Variants in IQSEC3 observed in about 807,000 individuals in gnomAD.
IQSEC3 encodes IQ motif and SEC7 domain-containing protein 3.
In IQSEC3, 50 loss-of-function variants were observed where a neutral mutation model predicts 105.4. The ratio of observed to expected loss-of-function variants is 0.47; its 90% CI spans 0.38 to 0.60. IQSEC3 has a LOEUF of 0.60. Ranked by LOEUF, IQSEC3 falls within the 20% of genes least tolerant of loss-of-function variation. The pLI is 0.00. For synonymous variants in IQSEC3, 708 were observed against 746.0 expected (o/e 0.95, Z 0.83); for missense variants, 1,415 against 1,630.0 (o/e 0.87, Z 2.27).
At chr12:169,707 CT>C (rs1938869273) in intron 12 of IQSEC3, among the ~76,000 whole-genome samples, 2 of 152,188 alleles carry the variant, frequency 1.3e-5, no homozygotes, top group Non-Finnish European at 2.9e-5. Flanking sequence ...CTCCTTTGGC[CT>C]GCCCCAACCT....
chr12:75,149 T>G (rs538000317), intron 1 of IQSEC3, among the ~76,000 whole-genome samples: 1 of 152,296 alleles, frequency 6.6e-6, no homozygotes, highest in African/African-American at 2.4e-5. Flanking sequence ...ACATTTATTC[T>G]TATTAGTCTT....
Position 161,936 on chromosome 12 carries a change from T to C in IQSEC3, c.2454T>C (p.Asp818=). The change falls in exon 8 of 14, where the codon GAT becomes GAC. Residue 818 remains aspartate, a synonymous_variant. Coordinates refer to ENST00000538872, the MANE Select transcript of IQSEC3 (RefSeq NM_001170738.2). ...DFIRNLRGVD[D]GADIPRELVV... ...ACTCCACGTTGTTAGGTGTGGACGA[T>C]GGCGCTGACATCCCCAGGGAGCTGG... 6.2e-7 allele frequency: 1 copy of C among 1,607,170 alleles called. No homozygotes were observed. Among genetic ancestry groups the C allele is most frequent in the Non-Finnish European group, 8.5e-7 (1 of 1,176,802 alleles).
intron 2 of IQSEC3, among the ~76,000 whole-genome samples, chr12:100,198 C>T (rs1555075821): frequency 1.3e-5 from 2 of 152,138 alleles, no homozygotes; most frequent in East Asian, 1.9e-4. Context: ...CCTATCATCC[C>T]GTCGAGTCTC....
Position 114,841 on chromosome 12 carries a change from G to C in IQSEC3, c.624-10792G>C, listed in dbSNP as rs114083539. Among the ~76,000 whole-genome samples, 505 of 152,298 alleles carry C rather than the reference G, an allele frequency of 3.3e-3. 2 individuals carry two copies. Among genetic ancestry groups the C allele is most frequent in the African/African-American group, 0.012 (482 of 41,564 alleles). ...TATTCCCCATGCCAGGATCTCTAAG[G>C]CTTCTTCCAAAGTGTGTCCTGCAGA... On this transcript the variant is annotated intron_variant, in intron 2 of 13. Transcript: ENST00000538872.
chr12:83,711 A>AGGG (rs1863826627), intron 1 of IQSEC3, among the ~76,000 whole-genome samples: 4 of 134,990 alleles, frequency 3.0e-5, no homozygotes, highest in South Asian at 2.6e-4. Flanking sequence ...GCGGGGGAGG[A>AGGG]GGTGGGTTGA....
chr12:167,054 G>A (rs12368193), intron 11 of IQSEC3: 44,448 of 152,048 alleles, frequency 0.29, 6,814 homozygotes, highest in East Asian at 0.4. Flanking sequence ...GGGATCCATC[G>A]GACTGGACTC....
intron 1 of IQSEC3, among the ~76,000 whole-genome samples, chr12:96,258 G>A (rs1206313902): frequency 6.6e-6 from 1 of 152,178 alleles, no homozygotes. Flanking sequence ...ATCAAAAGAC[G>A]TGGAATCAGT....
intron 2 of IQSEC3, chr12:111,750 C>A (rs782076714): frequency 1.3e-5 from 2 of 152,182 alleles, no homozygotes; most frequent in African/African-American, 2.4e-5. Context: ...GAGTGGGCCA[C>A]ACAAATCGAG....
Position 66,820 on chromosome 12 carries a change from C to T in IQSEC3, c.-63C>T, listed in dbSNP as rs1863104157. The stretch of plus-strand genomic sequence containing the variant: ...GCCGACCGCTGGGCTGCTGGGCTCC[C>T]GCGCCCTCGCGCTCCCCGCCGCCAG... On this transcript the variant is annotated 5_prime_UTR_variant, in exon 1 of 14. Coordinates refer to ENST00000538872, the MANE Select transcript of IQSEC3 (RefSeq NM_001170738.2). 7.6e-7 allele frequency: 1 copy of T among 1,321,924 alleles called. No homozygotes were observed. The allele number at this position is 1,321,924 out of a possible 1,614,324, so 81.9% of individuals were successfully genotyped here. A position where few individuals can be genotyped will look rare whatever the true frequency, so the allele number is the denominator to read the frequency against.
chr12:85,217 C>T (rs529172856), intron 1 of IQSEC3, among the ~76,000 whole-genome samples: 70 of 152,210 alleles, frequency 4.6e-4, no homozygotes, highest in East Asian at 1.9e-3. Flanking sequence ...GGGTTAGGAA[C>T]GCTGTGGAGG....
chr12:99,960 A>C, intron 2 of IQSEC3, among the ~76,000 whole-genome samples: 2 of 126,524 alleles, frequency 1.6e-5, no homozygotes, highest in African/African-American at 3.1e-5. Context: ...GTGTTCTGTC[A>C]ATCTCTCTCT....
chr12:170,524 G>A (rs981549868), intron 12 of IQSEC3, among the ~76,000 whole-genome samples: 8 of 152,342 alleles, frequency 5.3e-5, no homozygotes, highest in African/African-American at 9.6e-5. Context: ...TGCGGGGGTC[G>A]GGGTGGAAGC....
chr12:73,757 C>A (rs1401669611), intron 1 of IQSEC3, among the ~76,000 whole-genome samples: 1 of 152,276 alleles, frequency 6.6e-6, no homozygotes, highest in Non-Finnish European at 1.5e-5. Flanking sequence ...CAGTGACAGA[C>A]TAGAATGCAG....
intron 2 of IQSEC3, among the ~76,000 whole-genome samples, chr12:104,599 G>A (rs1033749878): frequency 6.6e-6 from 1 of 151,964 alleles, no homozygotes; most frequent in African/African-American, 2.4e-5. Context: ...CCCACTTGGC[G>A]AGGCGTACTG....
intron 5 of IQSEC3, chr12:143,339 T>C (rs1423579926): frequency 2.0e-5 from 3 of 152,714 alleles, no homozygotes; most frequent in African/African-American, 7.2e-5. Flanking sequence ...GAGAAATAGC[T>C]GGACCCGGGC....
At chr12:92,016 A>G (rs1451188633) in intron 1 of IQSEC3, among the ~76,000 whole-genome samples, 1 of 152,096 alleles carries the variant, frequency 6.6e-6, no homozygotes, top group Admixed American at 6.5e-5. Flanking sequence ...CCAGCCTCAC[A>G]GCACGACTAG....
chr12:102,435 C>G (rs1363726690), intron 2 of IQSEC3, among the ~76,000 whole-genome samples: 1 of 152,242 alleles, frequency 6.6e-6, no homozygotes, highest in African/African-American at 2.4e-5. Context: ...GGCCGGCCCC[C>G]ACTCCAGCTC....
intron 1 of IQSEC3, among the ~76,000 whole-genome samples, chr12:91,759 C>A (rs760837400): frequency 1.3e-5 from 2 of 151,888 alleles, no homozygotes; most frequent in Admixed American, 6.6e-5. Flanking sequence ...CCAGGCTGGG[C>A]GATGGAGTGA....
chr12:135,575 C>G (rs1865736303), intron 3 of IQSEC3, among the ~76,000 whole-genome samples: 1 of 152,190 alleles, frequency 6.6e-6, no homozygotes, highest in South Asian at 2.1e-4. Context: ...GATGGGACAT[C>G]ACTCCAATGA....
Sources: allele counts gnomAD v4.1 joint callset (sites outside exome capture counted in the v4.1 genomes callset), GRCh38; gene constraint gnomAD v4.1.1; transcripts MANE v1.5; gene names NCBI Gene and HGNC (gene_info 2026-07-23, HGNC 2026-07-21).